Variants in LNX1 observed in about 807,000 individuals in gnomAD.
LNX1 encodes the protein E3 ubiquitin-protein ligase LNX.
LNX1 carries 54 observed loss-of-function variants against 68.4 expected under a neutral mutation model. The ratio of observed to expected loss-of-function variants is 0.79; its 90% CI spans 0.63 to 0.99. The LOEUF is 0.99. LNX1 is among the 50% of genes least tolerant of loss of function. The pLI is 0.00. For missense variants in LNX1, 906 were observed against 926.4 expected (o/e 0.98, Z 0.29); for synonymous variants, 336 against 350.0 (o/e 0.96, Z 0.45).
At chr4:53,478,797 T>C in intron 7 of LNX1, 55 bp from the exon 8 acceptor site, 1 of 1,542,042 alleles carries the variant, frequency 6.5e-7, no homozygotes, top group South Asian at 1.2e-5. Flanking sequence ...TGGTAGTTTT[T>C]GAATGTAGAA....
intron 9 of LNX1, among the ~76,000 whole-genome samples, chr4:53,464,327 G>A (rs1722481478): frequency 6.6e-6 from 1 of 151,988 alleles, no homozygotes; most frequent in African/African-American, 2.4e-5. Context: ...GTACCTCTCA[G>A]TCTGTGGTGA....
intron 2 of LNX1, among the ~76,000 whole-genome samples, chr4:53,522,835 A>C (rs1241378576): frequency 6.6e-6 from 1 of 151,730 alleles, no homozygotes; most frequent in Non-Finnish European, 1.5e-5. Context: ...CCAAACCAAA[A>C]CCCTGTAATT....
intron 2 of LNX1, among the ~76,000 whole-genome samples, chr4:53,556,000 G>A (rs1729884753): frequency 6.6e-6 from 1 of 152,180 alleles, no homozygotes; most frequent in Admixed American, 6.5e-5. Flanking sequence ...GCAGGAATCT[G>A]TAGTCAGTGG....
chr4:53,603,660 C>T (rs1036415429), intron 2 of LNX1: 6 of 152,230 alleles, frequency 3.9e-5, no homozygotes, highest in African/African-American at 1.2e-4. Flanking sequence ...AAGAGAGGCG[C>T]GGGGAGAGGT....
In LNX1 at chr4:53,508,284, A is replaced by G. The variant is rs1275007091; in HGVS notation, c.381-57T>C. On this transcript the variant is annotated intron_variant, in intron 2 of 10. Transcript: ENST00000263925. The stretch of plus-strand genomic sequence containing the variant: ...AGCTTTGGCTCTGCTGCCATTCCTC[A>G]GTCAGCCCTCTTCAAATACAATTGA... 7 of 1,585,310 alleles carry G rather than the reference A, an allele frequency of 4.4e-6. No homozygotes were observed. The South Asian group carries it at 5.7e-5, about 13-fold the overall frequency.
chr4:53,584,493 A>C (rs895878236), intron 1 of LNX1, among the ~76,000 whole-genome samples: 1 of 152,230 alleles, frequency 6.6e-6, no homozygotes, highest in African/African-American at 2.4e-5. Flanking sequence ...GACAATAGAG[A>C]GTGCATGTGG....
intron 9 of LNX1, among the ~76,000 whole-genome samples, chr4:53,475,575 T>C (rs1723510587): frequency 6.6e-6 from 1 of 152,208 alleles, no homozygotes; most frequent in Non-Finnish European, 1.5e-5. Context: ...AAACTAAACG[T>C]CTCACTTTCA....
intron 2 of LNX1, among the ~76,000 whole-genome samples, chr4:53,547,130 T>C (rs1254945884): frequency 6.6e-6 from 1 of 152,224 alleles, no homozygotes. Flanking sequence ...CTATGTCTAT[T>C]GTGAGGCGCA....
intron 2 of LNX1, among the ~76,000 whole-genome samples, chr4:53,572,232 C>T (rs1731212391): frequency 6.6e-6 from 1 of 152,108 alleles, no homozygotes; most frequent in African/African-American, 2.4e-5. Context: ...GCAAAACTTT[C>T]AGCAAAAGTC....
At chr4:53,525,386 G>A (rs1727539054) in intron 2 of LNX1, among the ~76,000 whole-genome samples, 2 of 152,160 alleles carry the variant, frequency 1.3e-5, no homozygotes, top group African/African-American at 4.8e-5. Context: ...GGAGGTTGAG[G>A]CAGGAGAATC....
intron 9 of LNX1, among the ~76,000 whole-genome samples, chr4:53,464,472 A>T (rs900663118): frequency 1.1e-3 from 26 of 24,066 alleles, no homozygotes; most frequent in Non-Finnish European, 2.0e-4. Context: ...AAATGTTTTA[A>T]TATAATCAAC....
intron 2 of LNX1, chr4:53,508,468 T>C (rs1485882348): frequency 2.0e-6 from 1 of 497,090 alleles, no homozygotes; most frequent in Non-Finnish European, 3.6e-6. Context: ...CTTAAAGCAA[T>C]CTCTACATTG....
intron 2 of LNX1, chr4:53,558,056 T>A: frequency 6.4e-7 from 1 of 1,570,642 alleles, no homozygotes; most frequent in Non-Finnish European, 8.6e-7. Flanking sequence ...AACCTTGCCA[T>A]GCCCCCACAA....
intron 2 of LNX1, among the ~76,000 whole-genome samples, chr4:53,514,902 G>A (rs1726646862): frequency 6.6e-6 from 1 of 152,140 alleles, no homozygotes; most frequent in Non-Finnish European, 1.5e-5. Context: ...ACATTTAACT[G>A]ACAAATTAGG....
chr4:53,551,716 AG>A (rs1221277520), intron 2 of LNX1, among the ~76,000 whole-genome samples: 1 of 152,108 alleles, frequency 6.6e-6, no homozygotes, highest in African/African-American at 2.4e-5. Flanking sequence ...GCTGATCTCA[AG>A]TCACCCGCTT....
intron 1 of LNX1, among the ~76,000 whole-genome samples, chr4:53,645,309 C>G (rs1277582507): frequency 6.6e-6 from 1 of 152,136 alleles, no homozygotes; most frequent in Non-Finnish European, 1.5e-5. Context: ...GGCCTTTGGT[C>G]ACCAGCCTGG....
intron 6 of LNX1, among the ~76,000 whole-genome samples, chr4:53,484,750 A>C (rs984932008): frequency 4.6e-5 from 7 of 152,168 alleles, no homozygotes; most frequent in Non-Finnish European, 1.0e-4. Context: ...TTTAGAGACA[A>C]CTGCTAGCGT....
intron 1 of LNX1, among the ~76,000 whole-genome samples, chr4:53,647,168 C>T (rs1734917699): frequency 6.6e-6 from 1 of 152,210 alleles, no homozygotes; most frequent in African/African-American, 2.4e-5. Context: ...ATTTTGTGTG[C>T]AGAACTAGAC....
At chr4:53,601,435 C>T (rs1733009937) in intron 2 of LNX1, among the ~76,000 whole-genome samples, 1 of 152,152 alleles carries the variant, frequency 6.6e-6, no homozygotes, top group African/African-American at 2.4e-5. Flanking sequence ...TATGCTCGCA[C>T]CCCCACATTG....
Sources: gnomAD v4.1 joint callset for allele counts (sites outside exome capture counted in the v4.1 genomes callset) on GRCh38, gnomAD v4.1.1 for gene constraint, MANE v1.5 for transcripts, NCBI Gene and HGNC (gene_info 2026-07-23, HGNC 2026-07-21) for gene names.